The following MYOM1 variants were observed in gnomAD, a reference collection of about 807,000 sequenced individuals.
MYOM1 encodes myomesin 1.
MYOM1 carries 164 observed loss-of-function variants against 205.3 expected under a neutral mutation model. The ratio of observed to expected loss-of-function variants is 0.80; its 90% CI spans 0.70 to 0.91. The LOEUF (loss-of-function observed/expected upper bound fraction) is 0.91, where lower values mean the gene tolerates loss of function less well. Among genes scored for constraint, MYOM1 ranks in the 40% least tolerant of loss-of-function variants. MYOM1 has a pLI of 0.00. For synonymous variants in MYOM1, 772 were observed against 789.4 expected (o/e 0.98, Z 0.37); for missense variants, 2,011 against 2,127.3 (o/e 0.95, Z 1.08).
rs1264744888 is a variant in MYOM1, at chr18:3,134,719, T to C, written c.2315A>G (p.Tyr772Cys). 5 of 1,613,936 alleles carry C rather than the reference T, an allele frequency of 3.1e-6. No homozygotes were observed. The highest frequency in any genetic ancestry group is 4.2e-6 in the Non-Finnish European group (5 of 1,179,870). The change falls in exon 16 of 38, where the codon TAC (tyrosine) becomes TGC (cysteine). Residue 772 changes from tyrosine to cysteine, a missense_variant. Coordinates refer to ENST00000356443, the MANE Select transcript of MYOM1 (RefSeq NM_003803.4). Reference sequence around the variant, plus strand: ...AGAGCCAGCAACGCTCGCCTCTATGTAGTACCCGACCAGCTCTTTGGCATC... The same window carrying C: ...AGAGCCAGCAACGCTCGCCTCTATGCAGTACCCGACCAGCTCTTTGGCATC... ...SKDAKELVGY[Y>C]IEASVAGSGK...
chr18:3,155,514 A>G lies in MYOM1; in HGVS notation c.1502-426T>C, dbSNP rs146352291. Among the ~76,000 whole-genome samples, 1,363 of 152,278 alleles carry G rather than the reference A, an allele frequency of 9.0e-3. 15 individuals carry two copies. Among genetic ancestry groups the G allele is most frequent in the East Asian group, 0.038 (198 of 5,176 alleles). On this transcript the variant is annotated intron_variant, in intron 10 of 37. Coordinates refer to ENST00000356443, the MANE Select transcript of MYOM1 (RefSeq NM_003803.4). ...GCTGGGATTACAGGCGTGAGCCATCACACCCGGCCAAATCTTGCTATTTGT... is the reference window on the plus strand; with the variant it reads ...GCTGGGATTACAGGCGTGAGCCATCGCACCCGGCCAAATCTTGCTATTTGT...
At chr18:3,092,538 A>ATT (rs1227393702) in intron 26 of MYOM1, among the ~76,000 whole-genome samples, 117 of 149,890 alleles carry the variant, frequency 7.8e-4, no homozygotes, top group African/African-American at 2.4e-3. Flanking sequence ...GACTATACTT[A>ATT]TTTTATCATA....
chr18:3,231,794 G>A, the MYOM1 span, among the ~76,000 whole-genome samples: 3 of 148,848 alleles, frequency 2.0e-5, no homozygotes, highest in Admixed American at 6.7e-5. Context: ...TGCCAGCCTC[G>A]GCCTCCCAAA....
rs563132595 is a variant in MYOM1 at position 3,104,488 on chromosome 18, T to C, written c.3419-1858A>G. On this transcript the variant is annotated intron_variant, in intron 22 of 37. Transcript: ENST00000356443. The stretch of plus-strand genomic sequence containing the variant: ...GTATGACAAGTGTACAACAAAAATA[T>C]TGGTTAGCTTAAGAATCTTGATTGT... Among the ~76,000 whole-genome samples the C allele has an allele frequency of 2.2e-4, 33 of 147,336 alleles. No homozygotes were observed. In the South Asian group the frequency reaches 7.0e-3, roughly 31 times the overall value.
At chr18:3,228,773 G>A in the MYOM1 span, among the ~76,000 whole-genome samples, 1 of 152,068 alleles carries the variant, frequency 6.6e-6, no homozygotes, top group East Asian at 1.9e-4. The surrounding 1 kb of genome is among the most constrained non-coding windows in gnomAD (Gnocchi z 4.5). Flanking sequence ...TGGGTCCCGC[G>A]CGTGACCGAG....
At chr18:3,070,571 A>G (rs1873541387) in intron 37 of MYOM1, among the ~76,000 whole-genome samples, 1 of 152,204 alleles carries the variant, frequency 6.6e-6, no homozygotes, top group Non-Finnish European at 1.5e-5. Context: ...TTGGCATCTT[A>G]TCTTACAGGG....
intron 10 of MYOM1, among the ~76,000 whole-genome samples, chr18:3,157,888 G>A (rs965907339): frequency 2.6e-5 from 4 of 151,580 alleles, no homozygotes; most frequent in South Asian, 2.1e-4. Context: ...CCTCTTCTAC[G>A]CCTCTGCCCT....
At position 3,215,083 on chromosome 18, in the gene MYOM1, G is replaced by T. The variant is rs1279276503; in HGVS notation, c.141C>A (p.Ser47Arg). ...AVYTQGSTAYSSRSSAAHRRE... is the reference protein window; with the variant it reads ...AVYTQGSTAYRSRSSAAHRRE... ...GGCGGTGCGCGGCGGAGGAGCGGCT[G>T]CTGTAGGCCGTGGAGCCCTGGGTGT... The change falls in exon 2 of 38, where the codon AGC becomes AGA. Residue 47 changes from serine (S) to arginine (R), a missense_variant. By Grantham distance (110) the Ser-to-Arg change is moderately radical. Coordinates refer to ENST00000356443, the MANE Select transcript of MYOM1 (RefSeq NM_003803.4). 6.2e-7 allele frequency: 1 copy of T among 1,613,640 alleles called. No individual in the cohort carries two copies.
At chr18:3,220,268 T>C (rs2081316207), upstream of MYOM1, among the ~76,000 whole-genome samples, 1 of 152,214 alleles carries the variant, frequency 6.6e-6, no homozygotes. Context: ...ATTCTCAAAA[T>C]GGACTTCGTG....
chr18:3,243,057 T>C, the MYOM1 span, among the ~76,000 whole-genome samples: 1 of 152,208 alleles, frequency 6.6e-6, no homozygotes, highest in Non-Finnish European at 1.5e-5. Context: ...TCATTTATCA[T>C]CCCTGACTTT....
intron 5 of MYOM1, among the ~76,000 whole-genome samples, chr18:3,181,782 T>A (rs1176358303): frequency 6.8e-6 from 1 of 146,412 alleles, no homozygotes; most frequent in African/African-American, 2.6e-5. Flanking sequence ...TCCCCCAGGC[T>A]GTAGCGCAGT....
intron 12 of MYOM1, among the ~76,000 whole-genome samples, chr18:3,149,530 C>T (rs2080186411): frequency 6.6e-6 from 1 of 152,196 alleles, no homozygotes; most frequent in Admixed American, 6.5e-5. Flanking sequence ...TAGGCTTGCT[C>T]ATCCCCTCTG....
chr18:3,075,657 C>T (rs368267148), intron 35 of MYOM1, 68 bp downstream of exon 35: 19 of 1,526,768 alleles, frequency 1.2e-5, no homozygotes, highest in Middle Eastern at 1.7e-4. Context: ...CTCAGAGGGG[C>T]GAGCAGCATG....
intron 31 of MYOM1, 56 bp downstream of exon 31, chr18:3,084,989 C>A: frequency 1.5e-6 from 2 of 1,298,996 alleles, no homozygotes; most frequent in Non-Finnish European, 2.1e-6. Flanking sequence ...AATCATCATT[C>A]TGGTAAGCTG....
chr18:3,175,267 G>A (rs1181606913), intron 6 of MYOM1, among the ~76,000 whole-genome samples: 25 of 152,108 alleles, frequency 1.6e-4, no homozygotes, highest in Admixed American at 1.6e-3. Context: ...CTGATCTGAG[G>A]AGAAGGCTAT....
chr18:3,121,894 G>T (rs868300098), intron 19 of MYOM1, among the ~76,000 whole-genome samples: 3 of 152,150 alleles, frequency 2.0e-5, no homozygotes, highest in South Asian at 2.1e-4. Flanking sequence ...CGAGGCGGGC[G>T]GATCACTTGA....
At chr18:3,129,651 G>A in intron 17 of MYOM1, 132 bp from the exon 18 acceptor site, 3 of 886,532 alleles carry the variant, frequency 3.4e-6, no homozygotes, top group Non-Finnish European at 3.2e-6. Flanking sequence ...AAAGAAAATC[G>A]CTCACATTTG....
chr18:3,094,399 A>G (rs2143727702), intron 25 of MYOM1, 93 bp from the exon 26 acceptor site: 1 of 1,213,672 alleles, frequency 8.2e-7, no homozygotes, highest in East Asian at 2.6e-5. Context: ...AAAAAACCAC[A>G]CAATGGAAAT....
intron 25 of MYOM1, among the ~76,000 whole-genome samples, chr18:3,099,538 T>TC (rs1037291468): frequency 5.3e-5 from 8 of 152,170 alleles, no homozygotes; most frequent in Admixed American, 2.0e-4. Flanking sequence ...TGGCAAGAGA[T>TC]CCCCCCATCT....
Sources: gnomAD v4.1 joint callset for allele counts (sites outside exome capture counted in the v4.1 genomes callset) on GRCh38, gnomAD v4.1.1 for gene constraint, Gnocchi (gnomAD v3.1) non-coding constraint, MANE v1.5 for transcripts, NCBI Gene and HGNC (gene_info 2026-07-23, HGNC 2026-07-21) for gene names.